The following PBRM1 variants were observed in gnomAD, a reference collection of about 807,000 sequenced individuals.
PBRM1 encodes the protein polybromo 1, also known as protein polybromo-1.
In PBRM1, 27 loss-of-function variants were observed where a neutral mutation model predicts 194.5. That is an observed-to-expected ratio of 0.14 (90% CI 0.10 to 0.19). The LOEUF (loss-of-function observed/expected upper bound fraction) is 0.19, where lower values mean the gene tolerates loss of function less well. PBRM1 is among the 10% of genes least tolerant of loss of function. The pLI is 1.00. For synonymous variants in PBRM1, 655 were observed against 693.2 expected, an observed-to-expected ratio of 0.94 and a Z score of 0.87; for missense variants, 1,466 against 2,077.2, an observed-to-expected ratio of 0.71 and a Z score of 5.72.
chr3:52,587,531 G>A (rs1387539136), intron 18 of PBRM1, 21 bp from the exon 21 acceptor site: 28 of 1,542,204 alleles, frequency 1.8e-5, no homozygotes, highest in Non-Finnish European at 2.1e-5. Context: ...GGGGGTGGGG[G>A]AAGGGGAAGA....
rs567830677 is a variant in PBRM1 at position 52,672,758 on chromosome 3, T to C, written c.237-4113A>G. On this transcript the variant is annotated intron_variant, in intron 2 of 29. Transcript: ENST00000296302. ...ATCCACCTGTCTCGGCCTCCCAAAG[T>C]GTTGGGATTACAGGCATGAGCCACC... 4.4e-4 allele frequency among the ~76,000 whole-genome samples: 67 copies of C among 152,048 alleles called. No homozygotes were observed. The Middle Eastern group carries it at 0.01, about 23-fold the overall frequency.
intron 16 of PBRM1, among the ~76,000 whole-genome samples, chr3:52,604,309 G>A (rs565985410): frequency 6.6e-6 from 1 of 152,316 alleles, no homozygotes; most frequent in East Asian, 1.9e-4. Context: ...AGAAATAACT[G>A]TGTAATTCTG....
At chr3:52,634,860 A>C in intron 10 of PBRM1, 45 bp from the exon 12 acceptor site, 1 of 1,301,646 alleles carries the variant, frequency 7.7e-7, no homozygotes, top group Non-Finnish European at 1.1e-6. Context: ...AATGAGATGA[A>C]GAAAGAACCA....
intron 15 of PBRM1, among the ~76,000 whole-genome samples, chr3:52,613,626 G>A (rs189152095): frequency 7.1e-4 from 108 of 152,102 alleles, no homozygotes; most frequent in Non-Finnish European, 9.9e-4. Flanking sequence ...TTACAGGAGC[G>A]AGTCACCACC....
chr3:52,674,643 A>AAAAAAAAAATAT (rs1193129880), intron 2 of PBRM1, among the ~76,000 whole-genome samples: 1 of 72,420 alleles, frequency 1.4e-5, no homozygotes, highest in African/African-American at 4.1e-5. Context: ...AAAAAAAAAA[A>AAAAAAAAAATAT]ATATATATAT....
intron 8 of PBRM1, among the ~76,000 whole-genome samples, chr3:52,643,558 G>T (rs997420703): frequency 6.6e-6 from 1 of 152,216 alleles, no homozygotes; most frequent in African/African-American, 2.4e-5. Context: ...GGTCACTGCA[G>T]TGACCAGAGG....
intron 9 of PBRM1, among the ~76,000 whole-genome samples, 195 bp downstream of exon 10, chr3:52,643,053 G>C (rs944460043): frequency 2.0e-5 from 3 of 152,190 alleles, no homozygotes; most frequent in Non-Finnish European, 4.4e-5. Flanking sequence ...CTCCCAAAGT[G>C]CTGGGATTAC....
intron 17 of PBRM1, 82 bp from the exon 20 acceptor site, chr3:52,589,337 C>T (rs2092778895): frequency 3.8e-6 from 3 of 796,324 alleles, no homozygotes; most frequent in Admixed American, 2.9e-5. Context: ...TCAAACAACA[C>T]ATACTAATAA....
At chr3:52,685,062 T>C (rs2097288440) in intron 1 of PBRM1, 1 of 152,228 alleles carries the variant, frequency 6.6e-6, no homozygotes, top group Non-Finnish European at 1.5e-5. Context: ...GTAAGTTAAT[T>C]AAAACAATTC....
intron 16 of PBRM1, among the ~76,000 whole-genome samples, chr3:52,607,803 C>T (rs1440816510): frequency 1.3e-5 from 2 of 152,094 alleles, no homozygotes; most frequent in Non-Finnish European, 2.9e-5. Flanking sequence ...CAAGATGTCC[C>T]TCCATCCTTC....
exon 10 of PBRM1, chr3:52,642,027 T>G: frequency 6.3e-7 from 1 of 1,575,428 alleles, no homozygotes; most frequent in Non-Finnish European, 8.7e-7. Context: ...AACGACCTCC[T>G]TGTACTGCTC....
intron 7 of PBRM1, among the ~76,000 whole-genome samples, chr3:52,646,513 G>C (rs918354518): frequency 1.3e-5 from 2 of 152,134 alleles, no homozygotes; most frequent in African/African-American, 4.8e-5. Context: ...CTAAAAAATG[G>C]ATTCAAAACT....
At chr3:52,664,976 T>G (rs60351358) in intron 3 of PBRM1, among the ~76,000 whole-genome samples, 6,022 of 151,820 alleles carry the variant, frequency 0.04, 400 homozygotes, top group African/African-American at 0.14. Flanking sequence ...TCTAAATATA[T>G]CACAATGAAA....
intron 2 of PBRM1, among the ~76,000 whole-genome samples, chr3:52,674,876 G>A (rs1231689220): frequency 6.6e-6 from 1 of 151,336 alleles, no homozygotes; most frequent in Non-Finnish European, 1.5e-5. Context: ...CATCAGGTGA[G>A]AGGACTGCTT....
At chr3:52,606,202 T>C (rs1175265353) in intron 16 of PBRM1, among the ~76,000 whole-genome samples, 1 of 151,652 alleles carries the variant, frequency 6.6e-6, no homozygotes, top group Non-Finnish European at 1.5e-5. Context: ...CTAAGGAAGG[T>C]CTTGCTATAT....
At chr3:52,667,706 T>G (rs1452168319) in intron 3 of PBRM1, among the ~76,000 whole-genome samples, 1 of 140,568 alleles carries the variant, frequency 7.1e-6, no homozygotes, top group Non-Finnish European at 1.5e-5. Context: ...TGAGCTGAGA[T>G]CGTGCCACTG....
At chr3:52,614,609 C>T (rs1425866623) in intron 15 of PBRM1, among the ~76,000 whole-genome samples, 27 of 148,030 alleles carry the variant, frequency 1.8e-4, no homozygotes, top group African/African-American at 5.2e-4. Flanking sequence ...CTCACTCTGT[C>T]GCCCAGGCTG....
chr3:52,678,248 C>T (rs992078350), intron 2 of PBRM1, among the ~76,000 whole-genome samples: 2 of 152,068 alleles, frequency 1.3e-5, no homozygotes, highest in Admixed American at 1.3e-4. Flanking sequence ...ATTACAAGTG[C>T]ATGCTCCTGT....
chr3:52,640,840 T>G (rs192123821), intron 10 of PBRM1, among the ~76,000 whole-genome samples: 1 of 152,126 alleles, frequency 6.6e-6, no homozygotes, highest in East Asian at 1.9e-4. Flanking sequence ...GGTTTCACCA[T>G]GTTGGCCAGG....
Sources: gnomAD v4.1 joint callset for allele counts (sites outside exome capture counted in the v4.1 genomes callset) on GRCh38, gnomAD v4.1.1 for gene constraint, MANE v1.5 for transcripts, NCBI Gene and HGNC (gene_info 2026-07-23, HGNC 2026-07-21) for gene names.